Variants in SURF6 observed in about 807,000 individuals in gnomAD.
The protein encoded by SURF6 is surfeit locus protein 6.
Under a neutral mutation model 37.5 loss-of-function variants are expected in SURF6, and 28 were observed. The observed-to-expected ratio is 0.75, with a 90% confidence interval of 0.55 to 1.02. The LOEUF (loss-of-function observed/expected upper bound fraction) is 1.02, where lower values mean the gene tolerates loss of function less well. Among genes scored for constraint, SURF6 ranks in the 50% least tolerant of loss-of-function variants. The pLI is 0.00. For synonymous variants in SURF6, 248 were observed against 210.9 expected (o/e 1.18, Z -1.52); for missense variants, 560 against 490.5 (o/e 1.14, Z -1.34).
Position 133,332,060 on chromosome 9 carries a change from G to A in SURF6, c.895C>T (p.Arg299Cys), listed in dbSNP as rs2129914582. The change falls in exon 5 of 5, where the codon CGC becomes TGC. Residue 299 changes from arginine (R) to cysteine (C), a missense_variant. Physicochemically the swap from Arg to Cys is radical, Grantham distance 180. Transcript: ENST00000372022. ...CACCGGCGCTGCCGCTGCGCCCTGC[G>A]CTTCTCCTTGCGCTTCAGGGCCTCC... ...LQEALKRKEK[R>C]RAQRQRRWEK... The A allele has an allele frequency of 5.6e-6, 9 of 1,605,718 alleles. No individual in the cohort carries two copies. Among genetic ancestry groups the A allele is most frequent in the Admixed American group, 5.0e-5 (3 of 59,998 alleles).
intron 1 of SURF6, 32 bp from the exon 2 acceptor site, chr9:133,334,633 CA>C (rs1835828853): frequency 6.3e-7 from 1 of 1,598,976 alleles, no homozygotes; most frequent in African/African-American, 1.3e-5. Flanking sequence ...AGTTAAGTCC[CA>C]ATCTCATGGC....
chr9:133,332,107 C>T lies in SURF6; in HGVS notation c.848G>A (p.Arg283His), dbSNP rs2129915183. 2.0e-5 allele frequency: 33 copies of T among 1,609,904 alleles called. 1 individual carries two copies. In the Admixed American group the frequency reaches 2.5e-4, roughly 12 times the overall value. The change falls in exon 5 of 5, where the codon CGT becomes CAT. Residue 283 changes from arginine to histidine, a missense_variant. Physicochemically the swap from Arg to His is conservative, Grantham distance 29 (BLOSUM62 0). Coordinates refer to ENST00000372022, the MANE Select transcript of SURF6 (RefSeq NM_006753.6). The part of the protein sequence containing the change: ...LLYKAEGVKI[R>H]DDERLLQEAL... ...CTCCTGCAGCAGGCGTTCGTCGTCACGGATCTTCACGCCCTCCGCCTTGTA... is the reference window on the plus strand; with the variant it reads ...CTCCTGCAGCAGGCGTTCGTCGTCATGGATCTTCACGCCCTCCGCCTTGTA...
rs11539431 is a variant in SURF6, at chr9:133,332,717, C to G, written c.437G>C (p.Arg146Pro). Residue 146 changes from arginine to proline, a missense_variant, in exon 4 of 5, where the codon CGG becomes CCG. Physicochemically the swap from Arg to Pro is moderately radical, Grantham distance 103. Transcript: ENST00000372022. The stretch of plus-strand genomic sequence containing the variant: ...CCGGTCCCGTTCCTGCTTTCTCCGC[C>G]GCCTTTTCTCCAAGGCGGCAGGGGA... ...ELSPAALEKR[R>P]RRKQERDRKK... The G allele has an allele frequency of 1.2e-6, 2 of 1,611,808 alleles. No homozygotes were observed. The highest frequency in any genetic ancestry group is 1.7e-6 in the Non-Finnish European group (2 of 1,180,026).
rs1307497731 is a variant in SURF6 at position 133,331,769 on chromosome 9, C to T, written c.*100G>A. 48 of 1,421,328 alleles carry T rather than the reference C, an allele frequency of 3.4e-5. No homozygotes were observed. The highest frequency in any genetic ancestry group is 4.4e-5 in the Non-Finnish European group (48 of 1,092,978). 88.0% of individuals were successfully genotyped at this position (1,421,328 alleles called of 1,614,324 possible). ...CTGTGTCCCCCTCACATGGAGAGGC[C>T]GAGGTCTGTGGAGATCCTGGGACAG... On this transcript the variant is annotated 3_prime_UTR_variant, in exon 5 of 5. Coordinates refer to ENST00000372022, the MANE Select transcript of SURF6 (RefSeq NM_006753.6).
In SURF6 at chr9:133,330,621, AT is replaced by A. The variant is rs1835701364; in HGVS notation, c.*1247del. 1 of 151,838 alleles carries A rather than the reference AT, an allele frequency of 6.6e-6. No homozygotes were observed. Among genetic ancestry groups the A allele is most frequent in the Non-Finnish European group, 1.5e-5 (1 of 67,960 alleles). 9.4% of individuals were successfully genotyped at this position (151,838 alleles called of 1,614,324 possible). A position where few individuals can be genotyped will look rare whatever the true frequency, so the allele number is the denominator to read the frequency against. ...TTCGGAATTCTTTAACTCATAGGTAATTTATAAGTGTGTTTTAAAAATTCCA... is the reference window on the plus strand; with the variant it reads ...TTCGGAATTCTTTAACTCATAGGTAATTATAAGTGTGTTTTAAAAATTCCA... On this transcript the variant is annotated 3_prime_UTR_variant, in exon 5 of 5. Transcript: ENST00000372022.
In SURF6 at chr9:133,336,181, C is replaced by T. The variant is rs2129935052; in HGVS notation, c.-49G>A. 9.3e-6 allele frequency: 14 copies of T among 1,513,232 alleles called. No homozygotes were observed. In the African/African-American group the frequency reaches 1.2e-4, roughly 13 times the overall value. 93.7% of individuals were successfully genotyped at this position (1,513,232 alleles called of 1,614,324 possible). A position where few individuals can be genotyped will look rare whatever the true frequency, so the allele number is the denominator to read the frequency against. On this transcript the variant is annotated 5_prime_UTR_variant, in exon 1 of 5. Coordinates refer to ENST00000372022, the MANE Select transcript of SURF6 (RefSeq NM_006753.6). ...ACTCACACCTTCCCCGCTGCGCGTG[C>T]GACTCTCACCACCTCCGCCGGAAAC... is the stretch of plus-strand genomic sequence containing the variant.
chr9:133,333,073 G>A (rs1334524925), intron 3 of SURF6: 1 of 407,378 alleles, frequency 2.5e-6, no homozygotes. Flanking sequence ...CCACTGCCTA[G>A]AACTTGGAGT....
In SURF6 at chr9:133,331,814, G is replaced by C. The variant is rs1426800887; in HGVS notation, c.*55C>G. 1 of 1,483,600 alleles carries C rather than the reference G, an allele frequency of 6.7e-7. No individual in the cohort carries two copies. The highest frequency in any genetic ancestry group is 8.9e-7 in the Non-Finnish European group (1 of 1,127,244). The allele number at this position is 1,483,600 out of a possible 1,614,324, so 91.9% of individuals were successfully genotyped here. A position where few individuals can be genotyped will look rare whatever the true frequency, so the allele number is the denominator to read the frequency against. The stretch of plus-strand genomic sequence containing the variant: ...GGACAGAGCCAGCGTCAAGGACTCA[G>C]AGGGTGTCCTGGAGTCTCCTAGGAC... On this transcript the variant is annotated 3_prime_UTR_variant, in exon 5 of 5. Transcript: ENST00000372022.
In SURF6 at chr9:133,334,399, G is replaced by T. The variant is rs2129927052; in HGVS notation, c.297C>A (p.Asn99Lys). 1 of 1,612,804 alleles carries T rather than the reference G, an allele frequency of 6.2e-7. No individual in the cohort carries two copies. Among genetic ancestry groups the T allele is most frequent in the Non-Finnish European group, 8.5e-7 (1 of 1,179,850 alleles). ...EAAWASSSAG[N>K]PADGLATEPE... ...TGCCCTGAAGCCTCTCACCTGCAGG[G>T]TTCCCTGCTGAGCTGGAAGCCCAAG... Residue 99 changes from asparagine to lysine, a missense_variant, in exon 2 of 5, where the codon AAC becomes AAA. Coordinates refer to ENST00000372022, the MANE Select transcript of SURF6 (RefSeq NM_006753.6).
chr9:133,336,105 AGG>A lies in SURF6; in HGVS notation c.26_27del (p.Ala9ValfsTer55). On this transcript the variant is annotated frameshift_variant, in exon 1 of 5. Coordinates refer to ENST00000372022, the MANE Select transcript of SURF6 (RefSeq NM_006753.6). LOFTEE classifies it high-confidence loss of function. ...ATCTTCTTGGCCAGGCTCTGCAGGT[AGG>A]CGTCCTTGGCGAGTAGAGAGGCCAT... MASLLAKD[A>X]YLQSLAKKIC... 1 of 1,612,742 alleles carries A rather than the reference AGG, an allele frequency of 6.2e-7. No homozygotes were observed. Among genetic ancestry groups the A allele is most frequent in the Non-Finnish European group, 8.5e-7 (1 of 1,179,824 alleles).
chr9:133,332,804 A>T (rs782267024), intron 3 of SURF6, 44 bp from the exon 4 acceptor site: 1 of 1,585,386 alleles, frequency 6.3e-7, no homozygotes, highest in African/African-American at 1.3e-5. Context: ...TCTCGATCCC[A>T]GGGTCCCCCA....
At position 133,331,823 on chromosome 9, in the gene SURF6, C is replaced by T; in HGVS notation, c.*46G>A. On this transcript the variant is annotated 3_prime_UTR_variant, in exon 5 of 5. Transcript: ENST00000372022. ...CAGCGTCAAGGACTCAGAGGGTGTC[C>T]TGGAGTCTCCTAGGACGGAAGACGG... 1 of 1,488,566 alleles carries T rather than the reference C, an allele frequency of 6.7e-7. No individual in the cohort carries two copies. The highest frequency in any genetic ancestry group is 1.4e-5 in the South Asian group (1 of 73,748). 92.2% of individuals were successfully genotyped at this position (1,488,566 alleles called of 1,614,324 possible). A position where few individuals can be genotyped will look rare whatever the true frequency, so the allele number is the denominator to read the frequency against.
At chr9:133,334,713 C>CG (rs1564334658) in intron 1 of SURF6, 112 bp from the exon 2 acceptor site, 1 of 1,306,020 alleles carries the variant, frequency 7.7e-7, no homozygotes, top group Admixed American at 2.2e-5. Context: ...GGATCAGGAT[C>CG]GGGGGCCAGA....
At position 133,332,254 on chromosome 9, in the gene SURF6, CTCCCGG is replaced by C; in HGVS notation, c.695_700del (p.Thr232_Gly233del). The C allele has an allele frequency of 6.2e-7, 1 of 1,604,274 alleles. No homozygotes were observed. The highest frequency in any genetic ancestry group is 8.5e-7 in the Non-Finnish European group (1 of 1,179,658). On this transcript the variant is annotated inframe_deletion, in exon 5 of 5. Transcript: ENST00000372022. ...GCGCTCCAGCAGCTGCCGGTAGTTCCTCCCGGTCAGCGGCGTGAGGTTCCCCTTCAC... is the reference window on the plus strand; with the variant it reads ...GCGCTCCAGCAGCTGCCGGTAGTTCCTCAGCGGCGTGAGGTTCCCCTTCAC...
rs1835726815 is a variant in SURF6 at position 133,331,548 on chromosome 9, C to G, written c.*321G>C. 3.8e-5 allele frequency: 12 copies of G among 316,604 alleles called. 1 individual carries two copies. The East Asian group carries it at 6.1e-4, about 16-fold the overall frequency. The allele number at this position is 316,604 out of a possible 1,614,324, so 19.6% of individuals were successfully genotyped here. A position where few individuals can be genotyped will look rare whatever the true frequency, so the allele number is the denominator to read the frequency against. On this transcript the variant is annotated 3_prime_UTR_variant, in exon 5 of 5. Transcript: ENST00000372022. ...TGGGGAACAGGCAGTGACTGCCCAC[C>G]CCCACCGTTCCTCCTCCCTGACCCT...
Position 133,332,620 on chromosome 9 carries a change from C to G in SURF6, c.534G>C (p.Gln178His), listed in dbSNP as rs2129920057. The change falls in exon 4 of 5, where the codon CAG becomes CAC. Residue 178 changes from glutamine to histidine, a missense_variant. Physicochemically the swap from Gln to His is conservative, Grantham distance 24. Transcript: ENST00000372022. ...ARKAEEATEA[Q>H]EVVEATPEGA... ...CCTCTGGGGTTGCCTCCACCACCTC[C>G]TGGGCCTCCGTGGCCTCCTCAGCCT... 1.9e-6 allele frequency: 3 copies of G among 1,610,988 alleles called. No homozygotes were observed. The highest frequency in any genetic ancestry group is 2.5e-6 in the Non-Finnish European group (3 of 1,180,006).
rs1440332268 is a variant in SURF6, at chr9:133,331,634, C to G, written c.*235G>C. The G allele has an allele frequency of 1.2e-5, 6 of 503,226 alleles. No homozygotes were observed. The highest frequency in any genetic ancestry group is 8.5e-5 in the Admixed American group (2 of 23,654). The allele number at this position is 503,226 out of a possible 1,614,324, so 31.2% of individuals were successfully genotyped here. On this transcript the variant is annotated 3_prime_UTR_variant, in exon 5 of 5. Transcript: ENST00000372022. Reference sequence around the variant, plus strand: ...AGACCAGGCCCCAGTCTCCCTCACCCTTTCCCTGGGTCTGAAGGTCCCGGA... The same window carrying G: ...AGACCAGGCCCCAGTCTCCCTCACCGTTTCCCTGGGTCTGAAGGTCCCGGA...
Position 133,332,278 on chromosome 9 carries a change from C to T in SURF6, c.677G>A (p.Gly226Glu), listed in dbSNP as rs2129917186. The T allele has an allele frequency of 4.2e-5, 68 of 1,601,714 alleles. No homozygotes were observed. Among genetic ancestry groups the T allele is most frequent in the Non-Finnish European group, 5.6e-5 (66 of 1,178,716 alleles). ...RRKEKRQRVK[G>E]NLTPLTGRNY... ...CCTCCCGGTCAGCGGCGTGAGGTTC[C>T]CCTTCACCCTCTGCCTCTTCTCTTT... The change falls in exon 5 of 5, where the codon GGG (glycine) becomes GAG (glutamate). Residue 226 changes from glycine (G) to glutamate (E), a missense_variant. Transcript: ENST00000372022.
Position 133,334,513 on chromosome 9 carries a change from C to G in SURF6, c.183G>C (p.Lys61Asn), listed in dbSNP as rs1304850905. 1 of 1,613,990 alleles carries G rather than the reference C, an allele frequency of 6.2e-7. No individual in the cohort carries two copies. Among genetic ancestry groups the G allele is most frequent in the Non-Finnish European group, 8.5e-7 (1 of 1,180,034 alleles). ...AGGACTTGGCCTTGTGCTCAGCAGC[C>G]TTCTCTTCTCGCTTCCGGAATTTCT... ...TQKKFRKREE[K>N]AAEHKAKSLG... Residue 61 changes from lysine (K) to asparagine (N), a missense_variant, in exon 2 of 5, where the codon AAG becomes AAC. Physicochemically the swap from Lys to Asn is moderately conservative, Grantham distance 94. Coordinates refer to ENST00000372022, the MANE Select transcript of SURF6 (RefSeq NM_006753.6).
Sources: allele counts gnomAD v4.1 joint callset, GRCh38; gene constraint gnomAD v4.1.1; transcripts MANE v1.5; gene names NCBI Gene and HGNC (gene_info 2026-07-23, HGNC 2026-07-21).